L3MBTL4: variants seen among roughly 807,000 people sequenced by gnomAD.
The protein encoded by L3MBTL4 is L3MBTL histone methyl-lysine binding protein 4.
In L3MBTL4, 70 loss-of-function variants were observed where a neutral mutation model predicts 84.5. The observed-to-expected ratio is 0.83, with a 90% CI of 0.68 to 1.01. The LOEUF (loss-of-function observed/expected upper bound fraction) is 1.01, where lower values mean the gene tolerates loss of function less well. L3MBTL4 is among the 50% of genes least tolerant of loss of function. L3MBTL4 has a pLI of 0.00. For missense variants in L3MBTL4, 715 were observed against 754.8 expected, an observed-to-expected ratio of 0.95 and a Z score of 0.62; for synonymous variants, 274 against 259.8, an observed-to-expected ratio of 1.05 and a Z score of -0.52.
At chr18:6,083,095 A>T (rs917102740) in intron 15 of L3MBTL4, among the ~76,000 whole-genome samples, 3 of 152,224 alleles carry the variant, frequency 2.0e-5, no homozygotes, top group African/African-American at 7.2e-5. Flanking sequence ...AATGGAGCCA[A>T]AATGAAGTCC....
intron 16 of L3MBTL4, among the ~76,000 whole-genome samples, chr18:6,002,919 T>C (rs955106196): frequency 1.4e-4 from 21 of 151,584 alleles, no homozygotes; most frequent in East Asian, 7.8e-4. Flanking sequence ...ATAAAAACCA[T>C]AAGCCACTTA....
At chr18:6,265,007 T>C (rs1441151636) in intron 4 of L3MBTL4, among the ~76,000 whole-genome samples, 1 of 152,230 alleles carries the variant, frequency 6.6e-6, no homozygotes. Flanking sequence ...TAAATTGCTT[T>C]GTAGACAACT....
At chr18:6,062,906 C>T (rs1301525794) in intron 16 of L3MBTL4, among the ~76,000 whole-genome samples, 6 of 151,164 alleles carry the variant, frequency 4.0e-5, no homozygotes, top group African/African-American at 1.2e-4. Flanking sequence ...AGTGGTGATT[C>T]CTGAGATTTT....
intron 16 of L3MBTL4, among the ~76,000 whole-genome samples, chr18:6,041,191 G>A (rs796384075): frequency 1.2e-4 from 18 of 152,340 alleles, no homozygotes; most frequent in African/African-American, 4.3e-4. Flanking sequence ...CCCAGTACAT[G>A]CAGTCTATCA....
At chr18:6,124,917 T>C (rs148693627) in intron 14 of L3MBTL4, among the ~76,000 whole-genome samples, 7 of 152,266 alleles carry the variant, frequency 4.6e-5, no homozygotes, top group East Asian at 1.9e-4. Flanking sequence ...GAGTAAGGTA[T>C]GTATTCTCAA....
At position 6,249,161 on chromosome 18, in the gene L3MBTL4, G is replaced by C. The variant is rs544805813; in HGVS notation, c.220-4573C>G. On this transcript the variant is annotated intron_variant, in intron 5 of 18. Transcript: ENST00000317931. ...CTGTTCACTGCTTTGAAATTTCTCG[G>C]TTAACTTCAAAAGTGCCATACACAT... Among the ~76,000 whole-genome samples the C allele has an allele frequency of 2.6e-5, 4 of 152,056 alleles. No individual in the cohort carries two copies. The South Asian group carries it at 8.3e-4, about 32-fold the overall frequency.
chr18:6,000,660 T>C (rs2054170879), intron 16 of L3MBTL4, among the ~76,000 whole-genome samples: 1 of 152,210 alleles, frequency 6.6e-6, no homozygotes, highest in Non-Finnish European at 1.5e-5. Flanking sequence ...CCTAAATCTA[T>C]ATATGTGAAT....
intron 17 of L3MBTL4, chr18:5,960,559 C>T (rs2095258518): frequency 6.5e-6 from 1 of 152,924 alleles, no homozygotes; most frequent in Admixed American, 6.5e-5. Context: ...AAAGGCAGAC[C>T]CGAAGGCAAG....
At chr18:6,257,170 T>G (rs2048179254) in intron 5 of L3MBTL4, among the ~76,000 whole-genome samples, 1 of 150,230 alleles carries the variant, frequency 6.7e-6, no homozygotes, top group Admixed American at 6.6e-5. Flanking sequence ...CAACTAAGAG[T>G]CAGGGAGGTG....
intron 16 of L3MBTL4, among the ~76,000 whole-genome samples, chr18:6,071,819 A>AGAAAAAGAAAGAAAG (rs1568067245): frequency 2.4e-5 from 3 of 124,468 alleles, no homozygotes; most frequent in African/African-American, 8.9e-5. Flanking sequence ...AAGAAAGGAA[A>AGAAAAAGAAAGAAAG]GAAAGAAAGA....
At chr18:6,348,841 T>C (rs551999598) in intron 1 of L3MBTL4, among the ~76,000 whole-genome samples, 2 of 152,150 alleles carry the variant, frequency 1.3e-5, no homozygotes, top group African/African-American at 2.4e-5. Flanking sequence ...TATCAAGAAA[T>C]CCTACAAATT....
At chr18:6,370,672 C>A (rs867298192) in intron 1 of L3MBTL4, among the ~76,000 whole-genome samples, 1 of 152,052 alleles carries the variant, frequency 6.6e-6, no homozygotes, top group Non-Finnish European at 1.5e-5. Flanking sequence ...AAAGGTTTGG[C>A]GGTGGTGAAG....
rs1252319936 is a variant in L3MBTL4 at position 6,168,046 on chromosome 18, A to T, written c.1096+3782T>A. ...ATACACCAATAACAGACAAACAGAG[A>T]GCCAAATCATGAGTGAACTCCCATT... On this transcript the variant is annotated intron_variant, in intron 13 of 18. Transcript: ENST00000317931. 3.9e-5 allele frequency among the ~76,000 whole-genome samples: 6 copies of T among 152,214 alleles called. 1 individual carries two copies. The highest frequency in any genetic ancestry group is 3.9e-4 in the Admixed American group (6 of 15,284).
intron 14 of L3MBTL4, among the ~76,000 whole-genome samples, chr18:6,131,400 T>C (rs1027785941): frequency 5.3e-5 from 8 of 152,224 alleles, no homozygotes; most frequent in African/African-American, 1.9e-4. Flanking sequence ...TTGTTTTCTT[T>C]TATTCTTCTT....
chr18:6,224,667 G>C (rs1599225540), intron 10 of L3MBTL4, among the ~76,000 whole-genome samples: 10 of 152,222 alleles, frequency 6.6e-5, no homozygotes, highest in Admixed American at 5.9e-4. Flanking sequence ...ATACACACCA[G>C]TCAGAGGAAT....
intron 12 of L3MBTL4, among the ~76,000 whole-genome samples, chr18:6,177,855 C>T (rs1391810803): frequency 6.6e-6 from 1 of 152,136 alleles, no homozygotes; most frequent in Non-Finnish European, 1.5e-5. Flanking sequence ...TTGTGTAAGT[C>T]CATATAATGG....
At chr18:6,217,260 C>T (rs906744013) in intron 10 of L3MBTL4, among the ~76,000 whole-genome samples, 1 of 152,116 alleles carries the variant, frequency 6.6e-6, no homozygotes, top group African/African-American at 2.4e-5. Context: ...AGGATCCCCT[C>T]CCCATCATCG....
chr18:6,169,315 C>A (rs2043845499), intron 13 of L3MBTL4, among the ~76,000 whole-genome samples: 1 of 152,154 alleles, frequency 6.6e-6, no homozygotes, highest in African/African-American at 2.4e-5. Context: ...TTGACCCAGC[C>A]ATCCCATTAC....
chr18:6,295,131 G>T (rs2050033671), intron 4 of L3MBTL4, among the ~76,000 whole-genome samples: 2 of 151,814 alleles, frequency 1.3e-5, no homozygotes, highest in African/African-American at 2.4e-5. Flanking sequence ...AATTATCTGG[G>T]CATGGTGGCG....
Sources: gnomAD v4.1 joint callset for allele counts (sites outside exome capture counted in the v4.1 genomes callset) on GRCh38, gnomAD v4.1.1 for gene constraint, MANE v1.5 for transcripts, NCBI Gene and HGNC (gene_info 2026-07-23, HGNC 2026-07-21) for gene names.